ATP8A2: variants seen among roughly 807,000 people sequenced by gnomAD.
ATP8A2 encodes the protein phospholipid-transporting ATPase IB.
ATP8A2 carries 100 observed loss-of-function variants against 165.6 expected under a neutral mutation model. The observed-to-expected ratio is 0.60, with a 90% CI of 0.51 to 0.71. ATP8A2 has a LOEUF of 0.71. Among genes scored for constraint, ATP8A2 ranks in the 30% least tolerant of loss-of-function variants. The probability of loss-of-function intolerance (pLI) is 0.00; values close to 1 mark genes in which losing one functional copy is unlikely to be tolerated. For missense variants in ATP8A2, 1,227 were observed against 1,479.5 expected, an observed-to-expected ratio of 0.83 and a Z score of 2.80; for synonymous variants, 543 against 548.8, an observed-to-expected ratio of 0.99 and a Z score of 0.15.
chr13:25,755,738 C>G (rs1018305165), intron 25 of ATP8A2, among the ~76,000 whole-genome samples: 2 of 151,996 alleles, frequency 1.3e-5, no homozygotes, highest in African/African-American at 4.8e-5. Context: ...AACCCCCTCT[C>G]TACTAAAAAT....
intron 30 of ATP8A2, among the ~76,000 whole-genome samples, chr13:25,846,002 C>G (rs1166531302): frequency 6.6e-6 from 1 of 152,072 alleles, no homozygotes; most frequent in Admixed American, 6.6e-5. Context: ...ATGGTGAAAC[C>G]CCATCTCTAC....
At chr13:25,806,241 A>G (rs1950736626) in intron 27 of ATP8A2, among the ~76,000 whole-genome samples, 2 of 152,122 alleles carry the variant, frequency 1.3e-5, no homozygotes, top group Non-Finnish European at 2.9e-5. Context: ...TTAGGAAGTA[A>G]CAGGTTCATT....
At chr13:25,571,239 C>A (rs988885475) in intron 17 of ATP8A2, among the ~76,000 whole-genome samples, 13 of 152,214 alleles carry the variant, frequency 8.5e-5, no homozygotes, top group Non-Finnish European at 1.5e-5. Flanking sequence ...TCTCTACCCA[C>A]TTCCTGAGGC....
chr13:25,797,223 G>A (rs763610621), intron 27 of ATP8A2, among the ~76,000 whole-genome samples: 6 of 152,164 alleles, frequency 3.9e-5, no homozygotes, highest in East Asian at 1.9e-4. Context: ...AGCCAAGATC[G>A]CACCATTGCA....
chr13:25,569,644 GA>G (rs1405928900), intron 16 of ATP8A2, among the ~76,000 whole-genome samples: 1 of 152,162 alleles, frequency 6.6e-6, no homozygotes, highest in African/African-American at 2.4e-5. Context: ...ATATTGGGAG[GA>G]AAAGGGAAAA....
At chr13:25,569,582 T>C (rs1593552976) in intron 16 of ATP8A2, among the ~76,000 whole-genome samples, 2 of 152,284 alleles carry the variant, frequency 1.3e-5, no homozygotes, top group African/African-American at 4.8e-5. Context: ...CTGCCTTGAA[T>C]GTAATTCTGA....
chr13:25,878,439 T>G (rs535465833), intron 33 of ATP8A2, among the ~76,000 whole-genome samples: 318 of 101,106 alleles, frequency 3.1e-3, no homozygotes, highest in Non-Finnish European at 4.9e-3. Flanking sequence ...GCAAGTTTTT[T>G]AAGAAAGTAG....
intron 33 of ATP8A2, among the ~76,000 whole-genome samples, chr13:25,960,145 G>A (rs1272019577): frequency 2.6e-5 from 4 of 152,228 alleles, no homozygotes; most frequent in African/African-American, 9.6e-5. Flanking sequence ...GGGGAAGCTG[G>A]GTGCTTGGGA....
At chr13:25,573,284 C>T (rs1200729337) in intron 18 of ATP8A2, among the ~76,000 whole-genome samples, 3 of 152,048 alleles carry the variant, frequency 2.0e-5, no homozygotes, top group Admixed American at 6.6e-5. Context: ...AGAGAACAGG[C>T]GCTTCCACTT....
chr13:25,978,650 A>G (rs1956112869), intron 35 of ATP8A2, among the ~76,000 whole-genome samples: 2 of 152,044 alleles, frequency 1.3e-5, no homozygotes. Context: ...CAAAAAGAAG[A>G]CTCAGGAGAG....
In ATP8A2 at chr13:25,843,382, GC is replaced by G. The variant is rs372308938; in HGVS notation, c.2956+3766del. 3.6e-3 allele frequency among the ~76,000 whole-genome samples: 550 copies of G among 151,576 alleles called. 1 individual carries two copies. The highest frequency in any genetic ancestry group is 0.012 in the African/African-American group (478 of 41,304). ...CTCCTACTGTAATCTGACTGCTCAT[GC>G]CCCCCCCGCCCAATTCATATGTCAA... On this transcript the variant is annotated intron_variant, in intron 30 of 36. Coordinates refer to ENST00000381655, the MANE Select transcript of ATP8A2 (RefSeq NM_016529.6).
At chr13:25,583,794 A>ATTGAT (rs1445091321) in intron 23 of ATP8A2, among the ~76,000 whole-genome samples, 9 of 152,156 alleles carry the variant, frequency 5.9e-5, no homozygotes, top group African/African-American at 2.2e-4. Context: ...CTGTCCAAAC[A>ATTGAT]ATTTTTTAAA....
intron 24 of ATP8A2, among the ~76,000 whole-genome samples, chr13:25,684,209 G>A (rs116934450): frequency 0.015 from 2,342 of 152,344 alleles, 24 homozygotes; most frequent in Non-Finnish European, 0.025. Flanking sequence ...TATGTTTCAG[G>A]TTTACTGTGT....
chr13:25,756,567 GA>G (rs934108903), intron 25 of ATP8A2, among the ~76,000 whole-genome samples: 2 of 152,204 alleles, frequency 1.3e-5, no homozygotes, highest in African/African-American at 2.4e-5. Flanking sequence ...CCTGGAGCAA[GA>G]AGACACTTGC....
intron 25 of ATP8A2, among the ~76,000 whole-genome samples, chr13:25,745,132 G>C (rs967814010): frequency 3.9e-5 from 6 of 152,064 alleles, no homozygotes; most frequent in South Asian, 2.1e-4. Flanking sequence ...TAGTAGAGAC[G>C]GGGTTTTGCC....
intron 6 of ATP8A2, among the ~76,000 whole-genome samples, chr13:25,536,801 G>A (rs2038299828): frequency 6.6e-6 from 1 of 152,156 alleles, no homozygotes; most frequent in Non-Finnish European, 1.5e-5. Context: ...CACTCATGAT[G>A]TCCTTTCAGT....
chr13:25,383,844 CT>C (rs1013490583), intron 1 of ATP8A2, among the ~76,000 whole-genome samples: 18 of 152,142 alleles, frequency 1.2e-4, no homozygotes, highest in African/African-American at 3.6e-4. Context: ...CTCCCTACCC[CT>C]GACTCTCCCC....
chr13:25,737,874 C>T lies in ATP8A2; in HGVS notation c.2385-31172C>T, dbSNP rs141020769. Among the ~76,000 whole-genome samples the T allele has an allele frequency of 2.5e-3, 378 of 152,196 alleles. 1 individual carries two copies. The highest frequency in any genetic ancestry group is 8.5e-3 in the African/African-American group (354 of 41,530). On this transcript the variant is annotated intron_variant, in intron 25 of 36. Transcript: ENST00000381655. ...AATTTTTTTGTATTTTTAGCAGAGACGGGGTTTCACCGTGTTAGCCAGGAT... is the reference window on the plus strand; with the variant it reads ...AATTTTTTTGTATTTTTAGCAGAGATGGGGTTTCACCGTGTTAGCCAGGAT...
chr13:25,731,265 C>T (rs546420733), intron 25 of ATP8A2, among the ~76,000 whole-genome samples: 101 of 79,932 alleles, frequency 1.3e-3, no homozygotes, highest in Non-Finnish European at 2.1e-3. Context: ...AGGAAGGAAG[C>T]GGGAGGAAGA....
Sources: allele counts gnomAD v4.1 joint callset (sites outside exome capture counted in the v4.1 genomes callset), GRCh38; gene constraint gnomAD v4.1.1; transcripts MANE v1.5; gene names NCBI Gene and HGNC (gene_info 2026-07-23, HGNC 2026-07-21).